ABCA9: variants seen among roughly 807,000 people sequenced by gnomAD.
The protein encoded by ABCA9 is ATP binding cassette subfamily A member 9.
A neutral mutation model predicts 205.3 loss-of-function variants in ABCA9; 183 were observed. The observed-to-expected ratio is 0.89, with a 90% CI of 0.79 to 1.01. The LOEUF (loss-of-function observed/expected upper bound fraction) is 1.01. Ranked by LOEUF, ABCA9 falls within the 50% of genes least tolerant of loss-of-function variation. The pLI is 0.00. For missense variants in ABCA9, 1,805 were observed against 1,912.4 expected, an observed-to-expected ratio of 0.94 and a Z score of 1.05; for synonymous variants, 651 against 683.3, an observed-to-expected ratio of 0.95 and a Z score of 0.74.
intron 25 of ABCA9, among the ~76,000 whole-genome samples, chr17:69,004,493 G>A (rs1054246647): frequency 1.7e-4 from 26 of 152,324 alleles, no homozygotes; most frequent in Non-Finnish European, 2.8e-4. Context: ...CTGCGTACTG[G>A]GAGAACCACT....
chr17:69,052,594 A>G (rs2071942882), intron 1 of ABCA9, among the ~76,000 whole-genome samples: 1 of 152,228 alleles, frequency 6.6e-6, no homozygotes, highest in Admixed American at 6.5e-5. Context: ...GTTTCTCTGT[A>G]TAAAACACTT....
chr17:68,990,516 G>A (rs2069412620), intron 29 of ABCA9, among the ~76,000 whole-genome samples: 1 of 152,164 alleles, frequency 6.6e-6, no homozygotes, highest in South Asian at 2.1e-4. Flanking sequence ...TGAGTAGCTA[G>A]GACTACAGGC....
At chr17:69,013,511 T>C (rs1017241170) in intron 22 of ABCA9, among the ~76,000 whole-genome samples, 2 of 152,166 alleles carry the variant, frequency 1.3e-5, no homozygotes, top group Non-Finnish European at 2.9e-5. Context: ...GATACCATTG[T>C]TGATTTTCCT....
At chr17:69,032,644 G>A in intron 9 of ABCA9, 1 of 165,118 alleles carries the variant, frequency 6.1e-6, no homozygotes, top group Non-Finnish European at 1.3e-5. Flanking sequence ...CTGTCACCCA[G>A]GCTGCAGTCC....
intron 26 of ABCA9, among the ~76,000 whole-genome samples, chr17:68,994,887 T>C (rs887030065): frequency 5.9e-5 from 9 of 152,200 alleles, no homozygotes; most frequent in African/African-American, 2.2e-4. Context: ...GCATAGTATT[T>C]TCCTTCTTAG....
Position 69,043,717 on chromosome 17 carries a change from T to A in ABCA9, c.574-2A>T. 1 of 1,579,642 alleles carries A rather than the reference T, an allele frequency of 6.3e-7. No homozygotes were observed. Among genetic ancestry groups the A allele is most frequent in the Non-Finnish European group, 8.6e-7 (1 of 1,166,236 alleles). On this transcript the variant is annotated splice_acceptor_variant, in intron 5 of 38. Coordinates refer to ENST00000340001, the MANE Select transcript of ABCA9 (RefSeq NM_080283.4). LOFTEE classifies it high-confidence loss of function. ...CATCACTGAATGATTTGTTGCGATCTGAAGAAAGATATCAATGAACAAATT... is the reference window on the plus strand; with the variant it reads ...CATCACTGAATGATTTGTTGCGATCAGAAGAAAGATATCAATGAACAAATT...
At chr17:69,022,688 A>T (rs1214043165) in intron 17 of ABCA9, among the ~76,000 whole-genome samples, 2 of 151,968 alleles carry the variant, frequency 1.3e-5, no homozygotes, top group Non-Finnish European at 2.9e-5. Context: ...TAAAGTTTTT[A>T]AAAGGACAAA....
chr17:69,070,807 C>T, the ABCA9 span, among the ~76,000 whole-genome samples: 1 of 152,188 alleles, frequency 6.6e-6, no homozygotes, highest in Non-Finnish European at 1.5e-5. Flanking sequence ...GCAGATCACA[C>T]CTTCACAGAG....
In ABCA9 at chr17:69,024,317, T is replaced by A; in HGVS notation, c.2178A>T (p.Ile726=). 6.2e-7 allele frequency: 1 copy of A among 1,611,776 alleles called. No individual in the cohort carries two copies. Among genetic ancestry groups the A allele is most frequent in the South Asian group, 1.1e-5 (1 of 90,740 alleles). Residue 726 remains isoleucine, a synonymous_variant, in exon 17 of 39, where the codon ATA becomes ATT. Coordinates refer to ENST00000340001, the MANE Select transcript of ABCA9 (RefSeq NM_080283.4). ...HLNERCDPES[I]TSLVKQHISD... is the part of the protein sequence containing the mutation. Reference sequence around the variant, plus strand: ...AGATGTGCTGCTTAACCAGTGATGTTATACTCTCTGGATCACACCTTTCAT... The same window carrying A: ...AGATGTGCTGCTTAACCAGTGATGTAATACTCTCTGGATCACACCTTTCAT...
At chr17:69,000,488 C>G (rs999375923) in intron 25 of ABCA9, among the ~76,000 whole-genome samples, 3 of 150,528 alleles carry the variant, frequency 2.0e-5, no homozygotes, top group Admixed American at 6.6e-5. Flanking sequence ...TGATCTATAT[C>G]TCTGTTTTGG....
chr17:68,977,404 C>T (rs1301892223), intron 37 of ABCA9, among the ~76,000 whole-genome samples: 1 of 152,198 alleles, frequency 6.6e-6, no homozygotes, highest in Non-Finnish European at 1.5e-5. Flanking sequence ...ATGATCAGAT[C>T]AAGCTCTGAT....
At chr17:69,076,710 G>T in the ABCA9 span, among the ~76,000 whole-genome samples, 2 of 152,170 alleles carry the variant, frequency 1.3e-5, no homozygotes, top group Admixed American at 1.3e-4. Context: ...GTCTGCTAGG[G>T]TTTCAATTTC....
chr17:69,039,203 G>GA (rs1276686492), intron 6 of ABCA9, among the ~76,000 whole-genome samples: 1 of 152,074 alleles, frequency 6.6e-6, no homozygotes, highest in Non-Finnish European at 1.5e-5. Context: ...CATAGAATTA[G>GA]AAAAAACTAC....
chr17:69,045,304 T>C lies in ABCA9; in HGVS notation c.337A>G (p.Ser113Gly), dbSNP rs773242838. ...TAGTTCAAATCCAATTCATCCATGC[T>C]TTTTTCATCAGGCCACCCCATGATT... is the stretch of plus-strand genomic sequence containing the variant. ...RTIMGWPDEK[S>G]MDELDLNYSI... Residue 113 changes from serine to glycine, a missense_variant, in exon 4 of 39, where the codon AGC becomes GGC. Transcript: ENST00000340001. The C allele has an allele frequency of 6.2e-7, 1 of 1,612,314 alleles. No individual in the cohort carries two copies. The highest frequency in any genetic ancestry group is 8.5e-7 in the Non-Finnish European group (1 of 1,179,120).
At chr17:69,043,825 G>A (rs1478078139) in intron 5 of ABCA9, 110 bp from the exon 6 acceptor site, 5 of 942,066 alleles carry the variant, frequency 5.3e-6, no homozygotes, top group Non-Finnish European at 7.8e-6. Flanking sequence ...TGTATTTTAT[G>A]TTTATATGCC....
rs747804704 is a variant in ABCA9, at chr17:69,044,561, C to A, written c.509G>T (p.Gly170Val). ...AAAGCCTTTCTCCCAGAACTCTGAA[C>A]CTTCACACTTCATTTTTTCATTCAC... ...QAVNEKMKCE[G>V]SEFWEKGFVA... Residue 170 changes from glycine (G) to valine (V), a missense_variant, in exon 5 of 39, where the codon GGT becomes GTT. By Grantham distance (109) the Gly-to-Val change is moderately radical. Coordinates refer to ENST00000340001, the MANE Select transcript of ABCA9 (RefSeq NM_080283.4). 5 of 1,613,040 alleles carry A rather than the reference C, an allele frequency of 3.1e-6. No homozygotes were observed. Among genetic ancestry groups the A allele is most frequent in the Admixed American group, 1.7e-5 (1 of 59,918 alleles).
intron 1 of ABCA9, among the ~76,000 whole-genome samples, chr17:69,060,548 C>T (rs902242505): frequency 4.6e-5 from 7 of 152,054 alleles, no homozygotes; most frequent in Non-Finnish European, 8.8e-5. Context: ...GTAAGTAATT[C>T]AAATAAATTT....
At chr17:69,030,532 C>T (rs1263650628) in intron 10 of ABCA9, among the ~76,000 whole-genome samples, 2 of 152,086 alleles carry the variant, frequency 1.3e-5, no homozygotes, top group African/African-American at 2.4e-5. Context: ...TTCAATTTAT[C>T]GAAGAGGTAC....
intron 25 of ABCA9, among the ~76,000 whole-genome samples, chr17:69,007,258 G>A (rs552004891): frequency 5.9e-5 from 9 of 152,120 alleles, no homozygotes; most frequent in African/African-American, 9.6e-5. Flanking sequence ...AAAATTAGCC[G>A]GGTGTGGTGG....
Sources: allele counts gnomAD v4.1 joint callset (sites outside exome capture counted in the v4.1 genomes callset), GRCh38; gene constraint gnomAD v4.1.1; transcripts MANE v1.5; gene names NCBI Gene and HGNC (gene_info 2026-07-23, HGNC 2026-07-21).